Variants in ZNF148 observed in about 807,000 individuals in gnomAD.
The protein encoded by ZNF148 is Beta-Enolase Repressor Factor-1.
ZNF148 carries 7 observed loss-of-function variants against 67.7 expected under a neutral mutation model. The observed-to-expected ratio is 0.10, with a 90% CI of 0.06 to 0.19. ZNF148 has a LOEUF of 0.19. Ranked by LOEUF, ZNF148 falls within the 10% of genes least tolerant of loss-of-function variation. The pLI, the probability that ZNF148 is intolerant of heterozygous loss-of-function variation, is 1.00. For synonymous variants in ZNF148, 333 were observed against 330.7 expected, an observed-to-expected ratio of 1.01 and a Z score of -0.08; for missense variants, 583 against 947.1, an observed-to-expected ratio of 0.62 and a Z score of 5.05.
intron 1 of ZNF148, among the ~76,000 whole-genome samples, chr3:125,367,589 CAT>C (rs1268154663): frequency 2.0e-5 from 3 of 152,206 alleles, no homozygotes; most frequent in Non-Finnish European, 2.9e-5. Context: ...AAACATAAAA[CAT>C]ATAGACAATT....
At chr3:125,365,378 C>G (rs1181289491) in intron 1 of ZNF148, among the ~76,000 whole-genome samples, 1 of 152,210 alleles carries the variant, frequency 6.6e-6, no homozygotes, top group Non-Finnish European at 1.5e-5. Context: ...ATCCCACAGT[C>G]CACGTATTTA....
chr3:125,318,041 A>C (rs1940602743), intron 3 of ZNF148, among the ~76,000 whole-genome samples: 1 of 152,098 alleles, frequency 6.6e-6, no homozygotes, highest in South Asian at 2.1e-4. Flanking sequence ...AATAGGATAA[A>C]GCTACACTTA....
intron 7 of ZNF148, among the ~76,000 whole-genome samples, chr3:125,260,949 C>A (rs1341293643): frequency 6.6e-6 from 1 of 152,124 alleles, no homozygotes; most frequent in African/African-American, 2.4e-5. Context: ...TATTGATAAG[C>A]AGAAGTACTA....
chr3:125,357,472 C>T (rs1269363655), intron 1 of ZNF148, among the ~76,000 whole-genome samples: 1 of 152,234 alleles, frequency 6.6e-6, no homozygotes, highest in Non-Finnish European at 1.5e-5. Context: ...CCCCCCCTTC[C>T]AGGGCCTGCT....
rs1338740949 is a variant in ZNF148 at position 125,226,419 on chromosome 3, T to C, written c.*5922A>G. 6.6e-6 allele frequency: 1 copy of C among 152,440 alleles called. No individual in the cohort carries two copies. Among genetic ancestry groups the C allele is most frequent in the Non-Finnish European group, 1.5e-5 (1 of 68,024 alleles). 9.4% of individuals were successfully genotyped at this position (152,440 alleles called of 1,614,324 possible). Reference sequence around the variant, plus strand: ...AAACAGCCAGTGTCCACATTTAAAATGCAGAATTTGCAAATATTAGTCTAA... The same window carrying C: ...AAACAGCCAGTGTCCACATTTAAAACGCAGAATTTGCAAATATTAGTCTAA... On this transcript the variant is annotated 3_prime_UTR_variant, in exon 9 of 9. Transcript: ENST00000360647.
intron 7 of ZNF148, among the ~76,000 whole-genome samples, chr3:125,272,950 TTCTC>T (rs1436615273): frequency 2.6e-5 from 4 of 152,212 alleles, no homozygotes; most frequent in African/African-American, 9.6e-5. Context: ...GCACACAACA[TTCTC>T]AGTTACACAA....
chr3:125,346,733 C>T (rs1022947572), intron 1 of ZNF148, among the ~76,000 whole-genome samples: 8 of 152,100 alleles, frequency 5.3e-5, no homozygotes, highest in African/African-American at 1.9e-4. Flanking sequence ...CATCTTCTGC[C>T]ATATTTGTAA....
At position 125,363,707 on chromosome 3, in the gene ZNF148, A is replaced by C. The variant is rs145874123; in HGVS notation, c.-234+11395T>G. Among the ~76,000 whole-genome samples the C allele has an allele frequency of 1.8e-4, 27 of 149,458 alleles. No homozygotes were observed. In the East Asian group the frequency reaches 5.3e-3, roughly 30 times the overall value. Reference sequence around the variant, plus strand: ...GGTCTCCCTCTGTCACCCAGGCTGGAGTGTAGATTTCAGCTCACTGCAACC... The same window carrying C: ...GGTCTCCCTCTGTCACCCAGGCTGGCGTGTAGATTTCAGCTCACTGCAACC... On this transcript the variant is annotated intron_variant, in intron 1 of 8. Transcript: ENST00000360647.
intron 4 of ZNF148, among the ~76,000 whole-genome samples, chr3:125,309,349 T>C (rs1940070673): frequency 6.6e-6 from 1 of 152,068 alleles, no homozygotes; most frequent in Non-Finnish European, 1.5e-5. Context: ...CCTTAAAATA[T>C]AATGACAAGA....
intron 1 of ZNF148, among the ~76,000 whole-genome samples, chr3:125,349,625 T>C (rs913363416): frequency 6.6e-6 from 1 of 152,202 alleles, no homozygotes; most frequent in African/African-American, 2.4e-5. Flanking sequence ...TAAATATTGC[T>C]GGTGGAAATG....
At position 125,277,821 on chromosome 3, in the gene ZNF148, T is replaced by G; in HGVS notation, c.584-12A>C. The G allele has an allele frequency of 6.2e-7, 1 of 1,601,462 alleles. No homozygotes were observed. On this transcript the variant is annotated splice_polypyrimidine_tract_variant and intron_variant, in intron 6 of 8. Transcript: ENST00000360647. ...AAATGGTTTTTCACCTTAAAATAAT[T>G]TCACATCCACAAATTAGTTACTGAA...
At chr3:125,290,680 G>GC (rs1359673347) in intron 4 of ZNF148, among the ~76,000 whole-genome samples, 1 of 152,022 alleles carries the variant, frequency 6.6e-6, no homozygotes. Flanking sequence ...TGTGCAAAGT[G>GC]CCATTCTAGA....
chr3:125,299,360 T>C (rs763309238), intron 4 of ZNF148, among the ~76,000 whole-genome samples: 6 of 152,132 alleles, frequency 3.9e-5, no homozygotes, highest in Non-Finnish European at 8.8e-5. Flanking sequence ...AGGAGACTGG[T>C]TATGTTATTA....
intron 1 of ZNF148, among the ~76,000 whole-genome samples, chr3:125,374,429 C>T (rs572751724): frequency 6.6e-6 from 1 of 152,232 alleles, no homozygotes; most frequent in Admixed American, 6.5e-5. Flanking sequence ...GAACTCCTAT[C>T]TCCCTTCTTT....
At chr3:125,331,736 G>T (rs538523238) in intron 1 of ZNF148, among the ~76,000 whole-genome samples, 1 of 152,202 alleles carries the variant, frequency 6.6e-6, no homozygotes, top group South Asian at 2.1e-4. Context: ...AAAGCAAAAG[G>T]TATTTAATAA....
rs374578172 is a variant in ZNF148 at position 125,270,278 on chromosome 3, C to T, written c.667+7448G>A. Among the ~76,000 whole-genome samples, 6 of 151,250 alleles carry T rather than the reference C, an allele frequency of 4.0e-5. No homozygotes were observed. In the East Asian group the frequency reaches 5.8e-4, roughly 15 times the overall value. On this transcript the variant is annotated intron_variant, in intron 7 of 8. Coordinates refer to ENST00000360647, the MANE Select transcript of ZNF148 (RefSeq NM_021964.3). The stretch of plus-strand genomic sequence containing the variant: ...TCCCAGCACTCTGGGAGGCCAAAAT[C>T]GGAGGATCACTTGAGCCCAGGAGTT...
chr3:125,258,284 G>A (rs1028450493), intron 7 of ZNF148, among the ~76,000 whole-genome samples: 17 of 151,910 alleles, frequency 1.1e-4, no homozygotes, highest in African/African-American at 3.9e-4. Context: ...AATTAGCCGG[G>A]CATGGTGGCA....
At chr3:125,333,390 C>T (rs1025931075) in intron 1 of ZNF148, among the ~76,000 whole-genome samples, 1 of 152,202 alleles carries the variant, frequency 6.6e-6, no homozygotes, top group Non-Finnish European at 1.5e-5. Flanking sequence ...ACAACCACTC[C>T]TCTACCATGT....
chr3:125,232,773 A>G lies in ZNF148; in HGVS notation c.1953T>C (p.Tyr651=), dbSNP rs779508579. Residue 651 remains tyrosine (Y), a synonymous_variant, in exon 9 of 9, where the codon TAT becomes TAC. Transcript: ENST00000360647. This position sits in a 1 kb window ranked among gnomAD's most constrained non-coding sequence, Gnocchi z 4.2. ...GAAAGCTATTGATGGGCATGGTGGCATAGACCTGCTTGTCTATGGAAGAGA... is the reference window on the plus strand; with the variant it reads ...GAAAGCTATTGATGGGCATGGTGGCGTAGACCTGCTTGTCTATGGAAGAGA... ...PAFSSIDKQV[Y]ATMPINSFRS... 6 of 1,613,830 alleles carry G rather than the reference A, an allele frequency of 3.7e-6. No individual in the cohort carries two copies. Among genetic ancestry groups the G allele is most frequent in the South Asian group, 3.3e-5 (3 of 91,090 alleles).
Sources: gnomAD v4.1 joint callset for allele counts (sites outside exome capture counted in the v4.1 genomes callset) on GRCh38, gnomAD v4.1.1 for gene constraint, Gnocchi (gnomAD v3.1) non-coding constraint, MANE v1.5 for transcripts, NCBI Gene and HGNC (gene_info 2026-07-23, HGNC 2026-07-21) for gene names.